CWC27: variants seen among roughly 807,000 people sequenced by gnomAD.
CWC27 encodes the protein CWC27 spliceosome associated cyclophilin.
CWC27 carries 47 observed loss-of-function variants against 63.6 expected under a neutral mutation model. The observed-to-expected ratio is 0.74, with a 90% confidence interval of 0.58 to 0.94. The LOEUF (loss-of-function observed/expected upper bound fraction) is 0.94. Ranked by LOEUF, CWC27 falls within the 40% of genes least tolerant of loss-of-function variation. The probability of loss-of-function intolerance (pLI) is 0.00; values close to 1 mark genes in which losing one functional copy is unlikely to be tolerated. For synonymous variants in CWC27, 175 were observed against 179.8 expected, an observed-to-expected ratio of 0.97 and a Z score of 0.22; for missense variants, 495 against 554.3, an observed-to-expected ratio of 0.89 and a Z score of 1.07.
chr5:65,016,871 GA>G (rs1750057012), intron 13 of CWC27, among the ~76,000 whole-genome samples: 1 of 152,116 alleles, frequency 6.6e-6, no homozygotes, highest in Non-Finnish European at 1.5e-5. Context: ...TTATATGGGG[GA>G]AAAGATATTA....
chr5:64,823,171 A>T (rs1745255860), intron 10 of CWC27, among the ~76,000 whole-genome samples: 1 of 152,208 alleles, frequency 6.6e-6, no homozygotes, highest in Admixed American at 6.5e-5. Context: ...GTCAAATGAA[A>T]TGTGTACATG....
At chr5:64,773,275 A>G (rs1184807000) in intron 1 of CWC27, among the ~76,000 whole-genome samples, 2 of 152,216 alleles carry the variant, frequency 1.3e-5, no homozygotes. Context: ...TTTTCAAGAC[A>G]TTTAAAAACT....
chr5:64,916,444 C>T (rs2112384822), intron 11 of CWC27, among the ~76,000 whole-genome samples: 1 of 152,178 alleles, frequency 6.6e-6, no homozygotes, highest in South Asian at 2.1e-4. Context: ...TAATGAAGTA[C>T]AATTTAAGCC....
intron 10 of CWC27, among the ~76,000 whole-genome samples, chr5:64,828,063 G>A (rs566063530): frequency 1.3e-5 from 2 of 152,200 alleles, no homozygotes; most frequent in South Asian, 4.1e-4. Flanking sequence ...TATCCACTGG[G>A]AGTCTTGGAA....
chr5:64,917,847 C>T (rs1747920207), intron 11 of CWC27, among the ~76,000 whole-genome samples: 1 of 152,106 alleles, frequency 6.6e-6, no homozygotes, highest in South Asian at 2.1e-4. Context: ...AACTACATCA[C>T]TGGCGCTCCT....
At chr5:65,011,590 A>G (rs1342445791) in intron 13 of CWC27, among the ~76,000 whole-genome samples, 1 of 152,248 alleles carries the variant, frequency 6.6e-6, no homozygotes, top group Non-Finnish European at 1.5e-5. Context: ...GGGAAGCAAA[A>G]GCCAGATTAT....
At chr5:64,886,096 C>G (rs2112344656) in intron 11 of CWC27, among the ~76,000 whole-genome samples, 1 of 152,030 alleles carries the variant, frequency 6.6e-6, no homozygotes, top group Middle Eastern at 3.4e-3. Flanking sequence ...TATGTTAAGA[C>G]ATAGAAAGTC....
chr5:64,837,152 A>C (rs535701202), intron 10 of CWC27, among the ~76,000 whole-genome samples: 3 of 152,250 alleles, frequency 2.0e-5, no homozygotes, highest in African/African-American at 7.2e-5. Flanking sequence ...AACCCTCAGA[A>C]AATGAGGCTC....
At chr5:64,935,908 A>C (rs1748340850) in intron 11 of CWC27, among the ~76,000 whole-genome samples, 2 of 152,154 alleles carry the variant, frequency 1.3e-5, no homozygotes, top group Admixed American at 6.5e-5. Flanking sequence ...TTTGTCTATT[A>C]TTGATGTATA....
chr5:64,856,460 G>A (rs1746260810), intron 10 of CWC27, among the ~76,000 whole-genome samples: 1 of 126,692 alleles, frequency 7.9e-6, no homozygotes, highest in African/African-American at 3.7e-5. Context: ...TAGTGTATGT[G>A]TGTGTGTATG....
At chr5:64,904,408 A>T (rs1171476566) in intron 11 of CWC27, among the ~76,000 whole-genome samples, 10 of 152,242 alleles carry the variant, frequency 6.6e-5, no homozygotes, top group Non-Finnish European at 1.5e-4. Flanking sequence ...AGGCTATATA[A>T]ATCTGAAGAC....
intron 11 of CWC27, among the ~76,000 whole-genome samples, chr5:64,960,924 T>TG (rs529407254): frequency 1.8e-3 from 266 of 149,962 alleles, no homozygotes; most frequent in African/African-American, 6.1e-3. Flanking sequence ...AATACACTGT[T>TG]TTTTTTTTTT....
intron 13 of CWC27, among the ~76,000 whole-genome samples, chr5:65,004,766 A>G (rs1277190806): frequency 6.9e-6 from 1 of 145,392 alleles, no homozygotes; most frequent in Non-Finnish European, 1.5e-5. Context: ...TTGCTTTTTC[A>G]TGTTTCTTGT....
chr5:64,809,292 G>A (rs373916051), intron 10 of CWC27, among the ~76,000 whole-genome samples: 1 of 152,172 alleles, frequency 6.6e-6, no homozygotes, highest in Non-Finnish European at 1.5e-5. Flanking sequence ...TTTGTGTGTG[G>A]TGAAAACATT....
At chr5:64,781,617 C>T (rs570059626) in intron 2 of CWC27, among the ~76,000 whole-genome samples, 2 of 152,150 alleles carry the variant, frequency 1.3e-5, no homozygotes, top group Admixed American at 1.3e-4. Flanking sequence ...GACAAATGTC[C>T]CCTGGGGCAC....
chr5:64,774,627 A>G, intron 1 of CWC27, 64 bp from the exon 2 acceptor site: 1 of 956,122 alleles, frequency 1.0e-6, no homozygotes, highest in Non-Finnish European at 1.5e-6. Context: ...TACAAGTCAA[A>G]TAGTTATTCA....
intron 10 of CWC27, among the ~76,000 whole-genome samples, chr5:64,848,281 G>A (rs533933393): frequency 6.6e-6 from 1 of 152,212 alleles, no homozygotes; most frequent in Non-Finnish European, 1.5e-5. Flanking sequence ...TAAATTCCTA[G>A]ACATATACCA....
intron 2 of CWC27, among the ~76,000 whole-genome samples, chr5:64,775,625 A>G (rs182291518): frequency 2.0e-4 from 30 of 152,262 alleles, no homozygotes; most frequent in Non-Finnish European, 7.4e-5. Flanking sequence ...ACAGCCTTCC[A>G]GCTAGCATCC....
At chr5:64,989,567 A>G (rs1306037332) in intron 13 of CWC27, among the ~76,000 whole-genome samples, 1 of 152,232 alleles carries the variant, frequency 6.6e-6, no homozygotes, top group Non-Finnish European at 1.5e-5. Flanking sequence ...AACATCCTCA[A>G]ATCACAAAAG....
Sources: allele counts gnomAD v4.1 joint callset (sites outside exome capture counted in the v4.1 genomes callset), GRCh38; gene constraint gnomAD v4.1.1; transcripts MANE v1.5; gene names NCBI Gene and HGNC (gene_info 2026-07-23, HGNC 2026-07-21).